The following AUTS2 variants were observed in gnomAD, a reference collection of about 807,000 sequenced individuals.
AUTS2 encodes the protein autism susceptibility gene 2 protein.
AUTS2 carries 17 observed loss-of-function variants against 112.4 expected under a neutral mutation model. The ratio of observed to expected loss-of-function variants is 0.15; its 90% CI spans 0.10 to 0.23. The LOEUF (loss-of-function observed/expected upper bound fraction) is 0.23. Among genes scored for constraint, AUTS2 ranks in the 10% least tolerant of loss-of-function variants. The pLI, the probability that AUTS2 is intolerant of heterozygous loss-of-function variation, is 1.00. For missense variants in AUTS2, 1,510 were observed against 1,701.6 expected (o/e 0.89, Z 1.98); for synonymous variants, 751 against 702.7 (o/e 1.07, Z -1.09).
At chr7:69,875,632 G>A (rs1389470039) in intron 1 of AUTS2, among the ~76,000 whole-genome samples, 1 of 152,186 alleles carries the variant, frequency 6.6e-6, no homozygotes, top group Non-Finnish European at 1.5e-5. Context: ...TATGGTTCAT[G>A]TGTAGAAAAT....
At chr7:69,877,561 C>G (rs1793858287) in intron 1 of AUTS2, among the ~76,000 whole-genome samples, 1 of 152,100 alleles carries the variant, frequency 6.6e-6, no homozygotes, top group Admixed American at 6.5e-5. Flanking sequence ...ATGACCCCGT[C>G]ACCCAGGTAC....
At chr7:70,229,346 G>T (rs1584905435) in intron 4 of AUTS2, among the ~76,000 whole-genome samples, 1 of 151,996 alleles carries the variant, frequency 6.6e-6, no homozygotes, top group Non-Finnish European at 1.5e-5. Flanking sequence ...CAGAAATTTT[G>T]GTTGACATCT....
rs117384025 is a variant in AUTS2, at chr7:69,800,525, A to G, written c.310-98761A>G. Among the ~76,000 whole-genome samples, 618 of 152,270 alleles carry G rather than the reference A, an allele frequency of 4.1e-3. 3 individuals carry two copies. The highest frequency in any genetic ancestry group is 0.023 in the South Asian group (112 of 4,816). On this transcript the variant is annotated intron_variant, in intron 1 of 18. Coordinates refer to ENST00000342771, the MANE Select transcript of AUTS2 (RefSeq NM_015570.4). ...GCACACTATTGGGGTGACATTGTGAAGTTACCTCTGCCCACAGTACTTACT... is the reference window on the plus strand; with the variant it reads ...GCACACTATTGGGGTGACATTGTGAGGTTACCTCTGCCCACAGTACTTACT...
At chr7:69,998,438 C>T (rs1584548282) in intron 2 of AUTS2, among the ~76,000 whole-genome samples, 2 of 152,178 alleles carry the variant, frequency 1.3e-5, no homozygotes, top group South Asian at 4.1e-4. Context: ...GGGAAAGCTG[C>T]CCTGCAATAT....
chr7:70,513,231 A>T (rs1799273624), intron 5 of AUTS2, among the ~76,000 whole-genome samples: 1 of 152,264 alleles, frequency 6.6e-6, no homozygotes, highest in African/African-American at 2.4e-5. Context: ...TTCATAACAA[A>T]GCACTGAAAC....
intron 5 of AUTS2, among the ~76,000 whole-genome samples, chr7:70,682,548 C>A (rs1808262539): frequency 6.6e-6 from 1 of 152,194 alleles, no homozygotes; most frequent in Admixed American, 6.5e-5. Flanking sequence ...TTGTCACTTC[C>A]TCCCAGAGGC....
chr7:69,744,882 AAAGCACTGTAAAC>A (rs1787422556), intron 1 of AUTS2, among the ~76,000 whole-genome samples: 1 of 152,136 alleles, frequency 6.6e-6, no homozygotes, highest in Non-Finnish European at 1.5e-5. Context: ...AAGCTACACA[AAAGCACTGTAAAC>A]AGGCTCCTTA....
At chr7:69,739,502 C>A (rs1256398870) in intron 1 of AUTS2, among the ~76,000 whole-genome samples, 2 of 152,084 alleles carry the variant, frequency 1.3e-5, no homozygotes, top group African/African-American at 4.8e-5. Context: ...GCACTATACC[C>A]TGGGGACAAA....
Position 70,785,984 on chromosome 7 carries a change from G to A in AUTS2, c.2254G>A (p.Gly752Ser). The stretch of plus-strand genomic sequence containing the variant: ...TTTTAATCGGCCGTCTACATTCACA[G>A]GCCTAGCAGCAGTTGGTGGCAATGC... ...EPFNRPSTFT[G>S]LAAVGGNAFG... The change falls in exon 17 of 19, where the codon GGC (glycine) becomes AGC (serine). Residue 752 changes from glycine to serine, a missense_variant. Physicochemically the swap from Gly to Ser is moderately conservative, Grantham distance 56 (BLOSUM62 0). Around this residue, in one of 3 missense-constraint regions of AUTS2, gnomAD observed 788 missense variants for 797.6 expected, o/e 0.99. Transcript: ENST00000342771. 6.2e-7 allele frequency: 1 copy of A among 1,614,108 alleles called. No homozygotes were observed. The highest frequency in any genetic ancestry group is 1.7e-5 in the Admixed American group (1 of 60,028).
At chr7:70,462,248 T>C (rs1562969800) in intron 5 of AUTS2, among the ~76,000 whole-genome samples, 1 of 152,066 alleles carries the variant, frequency 6.6e-6, no homozygotes, top group Non-Finnish European at 1.5e-5. Context: ...CAAGACTCCG[T>C]GTCGAAAAAA....
intron 1 of AUTS2, among the ~76,000 whole-genome samples, chr7:69,770,448 G>A (rs1788611209): frequency 6.6e-6 from 1 of 152,164 alleles, no homozygotes; most frequent in South Asian, 2.1e-4. Flanking sequence ...GCAGGTGGAG[G>A]CGCCGCAGTG....
chr7:70,586,585 G>T (rs1585337364), intron 5 of AUTS2, among the ~76,000 whole-genome samples: 1 of 152,182 alleles, frequency 6.6e-6, no homozygotes, highest in East Asian at 1.9e-4. Context: ...CTCTGGGATA[G>T]CACTGGTAGA....
intron 4 of AUTS2, among the ~76,000 whole-genome samples, chr7:70,161,205 C>T (rs1475490727): frequency 6.6e-6 from 1 of 151,846 alleles, no homozygotes; most frequent in African/African-American, 2.4e-5. Flanking sequence ...ATCTGACTTC[C>T]CCTGTGGGGA....
intron 4 of AUTS2, among the ~76,000 whole-genome samples, chr7:70,425,952 T>A (rs1795419417): frequency 1.3e-5 from 2 of 152,214 alleles, no homozygotes; most frequent in Admixed American, 6.5e-5. Flanking sequence ...ACAAATTATA[T>A]GTTTATTAAC....
intron 6 of AUTS2, among the ~76,000 whole-genome samples, chr7:70,746,690 C>T (rs1041620739): frequency 2.6e-5 from 4 of 151,930 alleles, no homozygotes; most frequent in Non-Finnish European, 5.9e-5. Context: ...AGGATCTTGG[C>T]GCACTGGACG....
intron 13 of AUTS2, 122 bp from the exon 14 acceptor site, chr7:70,776,981 A>G (rs766040710): frequency 7.0e-6 from 6 of 860,268 alleles, no homozygotes; most frequent in Non-Finnish European, 1.2e-5. Flanking sequence ...GGAGAGTACA[A>G]AGCACTCTTG....
At chr7:70,409,177 A>G (rs994397794) in intron 4 of AUTS2, among the ~76,000 whole-genome samples, 10 of 152,222 alleles carry the variant, frequency 6.6e-5, no homozygotes, top group African/African-American at 2.4e-4. Flanking sequence ...GAAAAGATTT[A>G]TCACTAAGTA....
intron 5 of AUTS2, among the ~76,000 whole-genome samples, chr7:70,487,165 T>G (rs1798044007): frequency 6.6e-6 from 1 of 152,128 alleles, no homozygotes; most frequent in Non-Finnish European, 1.5e-5. Context: ...GAAATGTTCT[T>G]GAGTGACACA....
intron 1 of AUTS2, among the ~76,000 whole-genome samples, chr7:69,883,862 G>A (rs1260077768): frequency 6.6e-6 from 1 of 152,168 alleles, no homozygotes; most frequent in Non-Finnish European, 1.5e-5. Context: ...CTCCTCTACC[G>A]ATTACAAATA....
Sources: gnomAD v4.1 joint callset for allele counts (sites outside exome capture counted in the v4.1 genomes callset) on GRCh38, gnomAD v4.1.1 for gene constraint, gnomAD v4.1.1 regional missense constraint, MANE v1.5 for transcripts, NCBI Gene and HGNC (gene_info 2026-07-23, HGNC 2026-07-21) for gene names.